The following YAE1 variants were observed in gnomAD, a reference collection of about 807,000 sequenced individuals.
The protein encoded by YAE1 is YAE1 maturation factor of ABCE1.
YAE1 carries 22 observed loss-of-function variants against 23.0 expected under a neutral mutation model. The ratio of observed to expected loss-of-function variants is 0.96; its 90% CI spans 0.68 to 1.37. YAE1 has a LOEUF of 1.37. YAE1 is among the 40% of genes most tolerant of loss of function. The pLI, the probability that YAE1 is intolerant of heterozygous loss-of-function variation, is 0.00. For synonymous variants in YAE1, 101 were observed against 97.0 expected (o/e 1.04, Z -0.24); for missense variants, 260 against 262.1 (o/e 0.99, Z 0.06).
intron 2 of YAE1, among the ~76,000 whole-genome samples, chr7:39,599,875 C>T (rs1299572443): frequency 1.3e-5 from 2 of 152,100 alleles, no homozygotes; most frequent in African/African-American, 4.8e-5. Flanking sequence ...AGGCGTCAGC[C>T]ACCGTGCCCG....
downstream of YAE1, among the ~76,000 whole-genome samples, chr7:39,576,295 C>A (rs1790656551): frequency 6.6e-6 from 1 of 152,226 alleles, no homozygotes; most frequent in African/African-American, 2.4e-5. Context: ...CCTGTCCATT[C>A]TGTCTCTTAC....
chr7:39,606,117 T>C (rs1791126429), intron 2 of YAE1, among the ~76,000 whole-genome samples: 1 of 152,112 alleles, frequency 6.6e-6, no homozygotes, highest in African/African-American at 2.4e-5. Context: ...ATCTCATTAT[T>C]ACATTTACTT....
chr7:39,597,405 A>AT (rs1030246405), intron 2 of YAE1, among the ~76,000 whole-genome samples: 23 of 152,330 alleles, frequency 1.5e-4, no homozygotes, highest in Non-Finnish European at 2.8e-4. Context: ...TTCCATCTCT[A>AT]TTAAAAAAAA....
intron 2 of YAE1, among the ~76,000 whole-genome samples, chr7:39,590,586 T>C (rs1227606815): frequency 6.6e-6 from 1 of 152,234 alleles, no homozygotes; most frequent in Non-Finnish European, 1.5e-5. Flanking sequence ...TTTCATTATG[T>C]AGGACCCAAG....
At chr7:39,574,716 G>A (rs1267378282), downstream of YAE1, among the ~76,000 whole-genome samples, 4 of 137,300 alleles carry the variant, frequency 2.9e-5, no homozygotes, top group East Asian at 8.8e-4. Flanking sequence ...CTGGGTGACA[G>A]AGCAAGACTC....
At chr7:39,601,769 A>G (rs913590525) in intron 2 of YAE1, among the ~76,000 whole-genome samples, 8 of 152,076 alleles carry the variant, frequency 5.3e-5, no homozygotes, top group Admixed American at 5.2e-4. Context: ...AAAAAAAAAA[A>G]AAAAAAACTA....
At chr7:39,589,107 C>G (rs1410152094) in intron 2 of YAE1, among the ~76,000 whole-genome samples, 2 of 152,032 alleles carry the variant, frequency 1.3e-5, no homozygotes, top group Non-Finnish European at 2.9e-5. Context: ...CAGGTGTGAG[C>G]CACCACACCT....
Position 39,572,638 on chromosome 7 carries a change from C to G in YAE1, c.613C>G (p.Gln205Glu), listed in dbSNP as rs757609247. 1 of 1,613,782 alleles carries G rather than the reference C, an allele frequency of 6.2e-7. No individual in the cohort carries two copies. The highest frequency in any genetic ancestry group is 1.1e-5 in the South Asian group (1 of 90,970). The stretch of plus-strand genomic sequence containing the variant: ...CCCAAGCCCCACATGGATTTTGGAA[C>G]AGACAGCCAGTTTAGTTAAACAGCT... Reference protein sequence around the residue: ...ENPSPTWILEQTASLVKQLGL... With the variant: ...ENPSPTWILEETASLVKQLGL... The change falls in exon 3 of 3, where the codon CAG (glutamine) becomes GAG (glutamate). Residue 205 changes from glutamine to glutamate, a missense_variant. Transcript: ENST00000223273.
intron 2 of YAE1, among the ~76,000 whole-genome samples, chr7:39,585,549 T>C (rs1016470670): frequency 2.0e-5 from 3 of 152,216 alleles, no homozygotes; most frequent in African/African-American, 7.2e-5. Flanking sequence ...AGAAAATAAA[T>C]GTCTGTTCAA....
chr7:39,571,662 T>C (rs563716074), intron 2 of YAE1, among the ~76,000 whole-genome samples: 6 of 152,346 alleles, frequency 3.9e-5, no homozygotes, highest in African/African-American at 1.2e-4. Context: ...TTAAATACTT[T>C]TCATAATAAT....
chr7:39,569,560 G>T (rs1268525987), intron 1 of YAE1: 21 of 541,826 alleles, frequency 3.9e-5, no homozygotes, highest in Admixed American at 1.3e-4. Context: ...TATGGCTGTG[G>T]TGTGTGCCTT....
In YAE1 at chr7:39,572,405, C is replaced by T. The variant is rs775410997; in HGVS notation, c.380C>T (p.Pro127Leu). Residue 127 changes from proline to leucine, a missense_variant, in exon 3 of 3, where the codon CCG becomes CTG. Transcript: ENST00000223273. Reference sequence around the variant, plus strand: ...AAACATCTGAAATCAATCACTCCACCGTCCCATGTTGTAGATTTATTGGAC... The same window carrying T: ...AAACATCTGAAATCAATCACTCCACTGTCCCATGTTGTAGATTTATTGGAC... ...VLKHLKSITPPSHVVDLLDSI... is the reference protein window; with the variant it reads ...VLKHLKSITPLSHVVDLLDSI... 7 of 1,613,958 alleles carry T rather than the reference C, an allele frequency of 4.3e-6. No individual in the cohort carries two copies. Among genetic ancestry groups the T allele is most frequent in the East Asian group, 2.2e-5 (1 of 44,890 alleles).
intron 1 of YAE1, chr7:39,570,141 C>A (rs1225165940): frequency 8.7e-6 from 7 of 808,220 alleles, no homozygotes; most frequent in African/African-American, 1.7e-5. Flanking sequence ...CAGGGAGCAC[C>A]CCCAAGCAAC....
At chr7:39,598,111 AGTTT>A (rs902866615) in intron 2 of YAE1, among the ~76,000 whole-genome samples, 11 of 151,702 alleles carry the variant, frequency 7.3e-5, no homozygotes, top group Middle Eastern at 3.4e-3. Flanking sequence ...TGCCCTGCCA[AGTTT>A]GTTTGTTTGT....
At position 39,609,957 on chromosome 7, in the gene YAE1, A is replaced by G. The variant is rs971366118; in HGVS notation, c.592A>G (p.Arg198Gly). The G allele has an allele frequency of 3.3e-6, 5 of 1,521,162 alleles. No individual in the cohort carries two copies. In the African/African-American group the frequency reaches 5.5e-5, roughly 17 times the overall value. 94.2% of individuals were successfully genotyped at this position (1,521,162 alleles called of 1,614,324 possible). Reference sequence around the variant, plus strand: ...CGAAACACATTTTTCAACATATAATAGAATCATTATCAGAGGTGGACACAT... The same window carrying G: ...CGAAACACATTTTTCAACATATAATGGAATCATTATCAGAGGTGGACACAT... The change falls in exon 3 of 3, where the codon AGA becomes GGA. Residue 198 changes from arginine (R) to glycine (G), a missense_variant. Coordinates refer to the YAE1 transcript ENST00000432096.
chr7:39,610,839 A>G (rs1401957063), downstream of YAE1, among the ~76,000 whole-genome samples: 1 of 152,230 alleles, frequency 6.6e-6, no homozygotes, highest in Non-Finnish European at 1.5e-5. Context: ...CACCAGGCAC[A>G]AAATAGGAAT....
intron 2 of YAE1, among the ~76,000 whole-genome samples, chr7:39,589,280 GT>G (rs1178572647): frequency 2.6e-5 from 4 of 152,196 alleles, no homozygotes; most frequent in South Asian, 4.2e-4. Flanking sequence ...AGCTATTTCA[GT>G]GCCCCCATGA....
intron 2 of YAE1, 95 bp from the exon 3 acceptor site, chr7:39,572,182 A>G (rs1055844344): frequency 7.7e-7 from 1 of 1,294,320 alleles, no homozygotes; most frequent in African/African-American, 1.5e-5. Flanking sequence ...AAACAGTTTT[A>G]TGATTAAGTC....
chr7:39,606,458 C>A (rs774582878), intron 2 of YAE1, among the ~76,000 whole-genome samples: 12 of 152,322 alleles, frequency 7.9e-5, no homozygotes, highest in Non-Finnish European at 1.5e-4. Flanking sequence ...CAATCTCATT[C>A]TCTTTGACAG....
Sources: gnomAD v4.1 joint callset for allele counts (sites outside exome capture counted in the v4.1 genomes callset) on GRCh38, gnomAD v4.1.1 for gene constraint, MANE v1.5 for transcripts, NCBI Gene and HGNC (gene_info 2026-07-23, HGNC 2026-07-21) for gene names.